CLIP1: variants seen among roughly 807,000 people sequenced by gnomAD.
The protein encoded by CLIP1 is CAP-Gly domain-containing linker protein 1.
CLIP1 carries 66 observed loss-of-function variants against 161.6 expected under a neutral mutation model. The ratio of observed to expected loss-of-function variants is 0.41; its 90% CI spans 0.33 to 0.50. The LOEUF (loss-of-function observed/expected upper bound fraction) is 0.50, where lower values mean the gene tolerates loss of function less well. Among genes scored for constraint, CLIP1 ranks in the 20% least tolerant of loss-of-function variants. CLIP1 has a pLI of 0.27. For synonymous variants in CLIP1, 598 were observed against 626.2 expected (o/e 0.96, Z 0.67); for missense variants, 1,376 against 1,702.0 (o/e 0.81, Z 3.37).
At chr12:122,286,778 CACG>C (rs1226317506) in intron 21 of CLIP1, among the ~76,000 whole-genome samples, 2 of 152,084 alleles carry the variant, frequency 1.3e-5, no homozygotes, top group Admixed American at 6.6e-5. Context: ...GCAGGCGGAT[CACG>C]ACGTCAGGAG....
intron 24 of CLIP1, among the ~76,000 whole-genome samples, chr12:122,276,038 T>G (rs966389138): frequency 2.6e-5 from 4 of 152,172 alleles, no homozygotes; most frequent in Admixed American, 1.3e-4. Flanking sequence ...AACAAAAAAT[T>G]TCTTCCTTCT....
At chr12:122,349,980 C>A (rs1952945653) in intron 9 of CLIP1, among the ~76,000 whole-genome samples, 1 of 151,748 alleles carries the variant, frequency 6.6e-6, no homozygotes, top group Non-Finnish European at 1.5e-5. Context: ...TCTCCTGTCA[C>A]TGCAACCTCT....
chr12:122,333,270 G>T (rs1368417695), intron 14 of CLIP1, 127 bp from the exon 15 acceptor site: 5 of 680,460 alleles, frequency 7.3e-6, no homozygotes, highest in Non-Finnish European at 1.2e-5. Flanking sequence ...ACATTCTAGT[G>T]AAGAAGGCAC....
rs1955553804 is a variant in CLIP1 at position 122,279,307 on chromosome 12, A to G, written c.3648-162T>C. 2 of 453,330 alleles carry G rather than the reference A, an allele frequency of 4.4e-6. No homozygotes were observed. The highest frequency in any genetic ancestry group is 7.6e-6 in the Non-Finnish European group (2 of 262,578). 28.1% of individuals were successfully genotyped at this position (453,330 alleles called of 1,614,324 possible). On this transcript the variant is annotated intron_variant, in intron 21 of 25. Coordinates refer to ENST00000620786, the MANE Select transcript of CLIP1 (RefSeq NM_001247997.2). This position sits in a 1 kb window ranked among gnomAD's most constrained non-coding sequence, Gnocchi z 4.5. ...AAGGCCATTATGCTCACAAAATTTTACTTGAAATTTTACTTACTGTGAGGG... is the reference window on the plus strand; with the variant it reads ...AAGGCCATTATGCTCACAAAATTTTGCTTGAAATTTTACTTACTGTGAGGG...
At chr12:122,369,075 G>A (rs2136675239) in intron 3 of CLIP1, among the ~76,000 whole-genome samples, 1 of 151,526 alleles carries the variant, frequency 6.6e-6, no homozygotes, top group South Asian at 2.1e-4. Flanking sequence ...CTGGAGTGCA[G>A]TGGCATGATC....
At chr12:122,335,913 G>A (rs144303685) in intron 12 of CLIP1, among the ~76,000 whole-genome samples, 83 of 152,210 alleles carry the variant, frequency 5.5e-4, no homozygotes, top group Non-Finnish European at 9.3e-4. Context: ...AGCTGACCCT[G>A]CGTGGCACAT....
intron 21 of CLIP1, among the ~76,000 whole-genome samples, chr12:122,286,669 G>T (rs1261622163): frequency 6.6e-6 from 1 of 151,374 alleles, no homozygotes; most frequent in Non-Finnish European, 1.5e-5. Flanking sequence ...AGGAAAGGCA[G>T]CCTGGGCAAC....
intron 15 of CLIP1, among the ~76,000 whole-genome samples, chr12:122,331,081 C>T (rs1951942600): frequency 6.6e-6 from 1 of 151,636 alleles, no homozygotes; most frequent in African/African-American, 2.4e-5. Context: ...ATGGCACTAT[C>T]TCAGCTCACC....
rs775742839 is a variant in CLIP1 at position 122,279,040 on chromosome 12, T to C, written c.3753A>G (p.Lys1251=). The part of the protein sequence containing the change: ...LLTEKDAELE[K]LRNEVTVLRG... ...GGTGGTACTCTACCTCATTTCTCAG[T>C]TTCTCCAGCTCGGCATCCTTTTCTG... Residue 1251 remains lysine, a synonymous_variant, in exon 22 of 26, where the codon AAA becomes AAG. Coordinates refer to ENST00000620786, the MANE Select transcript of CLIP1 (RefSeq NM_001247997.2). This position sits in a 1 kb window ranked among gnomAD's most constrained non-coding sequence, Gnocchi z 4.5. The C allele has an allele frequency of 6.2e-7, 1 of 1,611,896 alleles. No individual in the cohort carries two copies. The highest frequency in any genetic ancestry group is 8.5e-7 in the Non-Finnish European group (1 of 1,179,388).
intron 8 of CLIP1, among the ~76,000 whole-genome samples, 188 bp from the exon 9 acceptor site, chr12:122,351,331 T>C (rs1953026298): frequency 6.6e-6 from 1 of 152,210 alleles, no homozygotes; most frequent in Admixed American, 6.5e-5. Flanking sequence ...CCATGGGCTA[T>C]ATTTCACATG....
intron 1 of CLIP1, among the ~76,000 whole-genome samples, chr12:122,398,857 T>C (rs948648787): frequency 7.5e-6 from 1 of 133,802 alleles, no homozygotes; most frequent in Non-Finnish European, 1.6e-5. Flanking sequence ...AATCTTTTTT[T>C]AAAAAGTTTA....
chr12:122,308,068 C>A (rs1950936447), intron 20 of CLIP1, among the ~76,000 whole-genome samples: 2 of 152,208 alleles, frequency 1.3e-5, no homozygotes, highest in Non-Finnish European at 2.9e-5. Context: ...TAATTGAAAT[C>A]TCTACTGCAA....
intron 20 of CLIP1, among the ~76,000 whole-genome samples, chr12:122,304,399 C>T (rs1950792430): frequency 1.3e-5 from 2 of 152,134 alleles, no homozygotes; most frequent in Admixed American, 6.6e-5. Context: ...CTTGCTCTGT[C>T]GCCCAGGCTG....
chr12:122,289,914 T>C (rs1956030981), intron 20 of CLIP1, among the ~76,000 whole-genome samples: 1 of 152,096 alleles, frequency 6.6e-6, no homozygotes, highest in African/African-American at 2.4e-5. Flanking sequence ...GTTCAAGTGA[T>C]TCTCCTGCTT....
At chr12:122,316,988 G>A (rs1181738053) in intron 18 of CLIP1, 133 bp from the exon 19 acceptor site, 17 of 596,910 alleles carry the variant, frequency 2.8e-5, no homozygotes, top group Non-Finnish European at 2.9e-6. Context: ...AAAGTCTCCT[G>A]GGTGAAGAGA....
At chr12:122,348,547 C>CCAT (rs1383723900) in intron 9 of CLIP1, among the ~76,000 whole-genome samples, 1 of 152,110 alleles carries the variant, frequency 6.6e-6, no homozygotes, top group African/African-American at 2.4e-5. Flanking sequence ...TTGGATGTAG[C>CCAT]CTGATAGGGA....
chr12:122,381,255 C>G (rs1955000112), intron 1 of CLIP1, among the ~76,000 whole-genome samples: 1 of 152,146 alleles, frequency 6.6e-6, no homozygotes, highest in African/African-American at 2.4e-5. Flanking sequence ...TTTACTACAA[C>G]AAGCCTGTAT....
chr12:122,328,213 T>TC (rs1287465649), intron 16 of CLIP1, 48 bp downstream of exon 16: 3 of 1,613,352 alleles, frequency 1.9e-6, no homozygotes, highest in Non-Finnish European at 1.7e-6. Flanking sequence ...GCGTGTACTA[T>TC]CCCTTGCCTT....
In CLIP1 at chr12:122,309,986, G is replaced by A. The variant is rs576938183; in HGVS notation, c.3474-104C>T. 79 of 1,266,262 alleles carry A rather than the reference G, an allele frequency of 6.2e-5. No individual in the cohort carries two copies. The East Asian group carries it at 1.1e-3, about 18-fold the overall frequency. The allele number at this position is 1,266,262 out of a possible 1,614,324, so 78.4% of individuals were successfully genotyped here. The stretch of plus-strand genomic sequence containing the variant: ...ACTGAAGAAAATATATCTGGGTCAC[G>A]TGCCTGATAGGATCTATAATAACAG... On this transcript the variant is annotated intron_variant, in intron 19 of 25. Transcript: ENST00000620786.
Sources: gnomAD v4.1 joint callset for allele counts (sites outside exome capture counted in the v4.1 genomes callset) on GRCh38, gnomAD v4.1.1 for gene constraint, Gnocchi (gnomAD v3.1) non-coding constraint, MANE v1.5 for transcripts, NCBI Gene and HGNC (gene_info 2026-07-23, HGNC 2026-07-21) for gene names.